DMD: variants seen among roughly 807,000 people sequenced by gnomAD.
DMD encodes dystrophin.
Under a neutral mutation model 330.1 loss-of-function variants are expected in DMD, and 63 were observed. The observed-to-expected ratio is 0.19, with a 90% confidence interval of 0.16 to 0.24. The LOEUF is 0.24. Among genes scored for constraint, DMD ranks in the 10% least tolerant of loss-of-function variants. The probability of loss-of-function intolerance (pLI) is 1.00; values close to 1 mark genes in which losing one functional copy is unlikely to be tolerated. For synonymous variants in DMD, 1,223 were observed against 959.8 expected (o/e 1.27, Z -5.07); for missense variants, 3,344 against 2,684.1 (o/e 1.25, Z -5.43).
intron 49 of DMD, among the ~76,000 whole-genome samples, chrX:31,835,168 T>C (rs983767087): frequency 2.7e-5 from 3 of 110,922 alleles, no homozygotes; most frequent in African/African-American, 9.9e-5. Context: ...TTAATTAAGA[T>C]CTCTCTCTCT....
chrX:32,870,980 A>AAAAAAAAAAAAAAAAG lies in DMD; in HGVS notation c.94-21161_94-21160insCTTTTTTTTTTTTTTT, dbSNP rs770375159. ...CAGCAAAAAAAAAAAAAAAAAAAAA[A>AAAAAAAAAAAAAAAAG]AAAAAAAACCACAAAACCCATCATC... On this transcript the variant is annotated intron_variant, in intron 2 of 78. Transcript: ENST00000357033. Among the ~76,000 whole-genome samples, 178 of 37,180 alleles carry AAAAAAAAAAAAAAAAG rather than the reference A, an allele frequency of 4.8e-3. 10 individuals are homozygous for AAAAAAAAAAAAAAAAG. The highest frequency in any genetic ancestry group is 6.1e-3 in the Non-Finnish European group (114 of 18,707). The allele number at this position is 37,180 out of a possible 115,157, so 32.3% of individuals were successfully genotyped here.
At chrX:32,541,781 C>T (rs1156831396) in intron 17 of DMD, among the ~76,000 whole-genome samples, 1 of 97,950 alleles carries the variant, frequency 1.0e-5, no homozygotes, top group African/African-American at 3.8e-5. Context: ...CAAACCTACA[C>T]GTTAACCCCT....
intron 60 of DMD, among the ~76,000 whole-genome samples, chrX:31,428,759 A>G (rs1489869890): frequency 8.9e-6 from 1 of 112,536 alleles, no homozygotes. Flanking sequence ...ATTTGGATAC[A>G]TTAGCTAACA....
chrX:32,879,992 A>G (rs1018908381), intron 2 of DMD, among the ~76,000 whole-genome samples: 1 of 111,298 alleles, frequency 9.0e-6, no homozygotes, highest in African/African-American at 3.3e-5. Flanking sequence ...ACGATTCTGC[A>G]TATAGCCACC....
At chrX:32,845,346 G>T in intron 3 of DMD, among the ~76,000 whole-genome samples, 1 of 111,540 alleles carries the variant, frequency 9.0e-6, no homozygotes, top group Non-Finnish European at 1.9e-5. Flanking sequence ...AATCACTTTG[G>T]TTCCCTAATT....
chrX:32,680,150 G>T (rs2062296264), intron 9 of DMD, among the ~76,000 whole-genome samples: 1 of 108,767 alleles, frequency 9.2e-6, no homozygotes, highest in Non-Finnish European at 1.9e-5. Context: ...CTGAACTCAT[G>T]ATCCGCCTGC....
chrX:32,256,794 A>G (rs1391798711), intron 43 of DMD, among the ~76,000 whole-genome samples: 1 of 111,019 alleles, frequency 9.0e-6, no homozygotes, highest in Non-Finnish European at 1.9e-5. Flanking sequence ...CTGGATATGA[A>G]ATTCTGGGTT....
At chrX:32,916,935 C>G (rs891073055) in intron 2 of DMD, among the ~76,000 whole-genome samples, 1 of 111,709 alleles carries the variant, frequency 9.0e-6, no homozygotes, top group Non-Finnish European at 1.9e-5. Context: ...ATCCCAATTA[C>G]TCTGATTTGA....
chrX:31,788,574 T>C (rs1161048380), intron 50 of DMD, among the ~76,000 whole-genome samples: 1 of 111,641 alleles, frequency 9.0e-6, no homozygotes, highest in Non-Finnish European at 1.9e-5. Flanking sequence ...GTACTGTATA[T>C]GTCTGCTAGG....
At chrX:32,443,483 G>A (rs1182797986) in intron 27 of DMD, among the ~76,000 whole-genome samples, 2 of 111,185 alleles carry the variant, frequency 1.8e-5, no homozygotes, top group Non-Finnish European at 3.8e-5. Flanking sequence ...AGATCCCAGT[G>A]GGAAAATATA....
chrX:32,043,549 C>T (rs1236098964), intron 44 of DMD, among the ~76,000 whole-genome samples: 1 of 111,999 alleles, frequency 8.9e-6, no homozygotes, highest in Non-Finnish European at 1.9e-5. Flanking sequence ...GTTTCTCTTG[C>T]ATAAATAATT....
chrX:31,212,174 GTGTA>G (rs1224355797), intron 64 of DMD, among the ~76,000 whole-genome samples: 1,184 of 80,993 alleles, frequency 0.015, 16 homozygotes, highest in African/African-American at 0.046. Context: ...ATATGTGTGT[GTGTA>G]TGTGTGTGTG....
At position 31,122,020 on chromosome X, in the gene DMD, C is replaced by T. The variant is rs943510359; in HGVS notation, c.11047-90G>A. On this transcript the variant is annotated intron_variant, in intron 78 of 78. Transcript: ENST00000357033. The stretch of plus-strand genomic sequence containing the variant: ...TTCTTTGCCATTTGGGAAATCATTC[C>T]CCATTTCTGGGTGAAGACAACACAG... 49 of 721,513 alleles carry T rather than the reference C, an allele frequency of 6.8e-5. No individual in the cohort carries two copies. In the African/African-American group the frequency reaches 9.2e-4, roughly 14 times the overall value. 59.5% of individuals were successfully genotyped at this position (721,513 alleles called of 1,213,427 possible). A position where few individuals can be genotyped will look rare whatever the true frequency, so the allele number is the denominator to read the frequency against.
intron 68 of DMD, among the ~76,000 whole-genome samples, chrX:31,182,311 T>C (rs936566233): frequency 8.9e-6 from 1 of 112,451 alleles, no homozygotes; most frequent in African/African-American, 3.2e-5. Context: ...GCTACTATTA[T>C]GGTTCCTCCC....
At chrX:31,842,493 T>C (rs1036360865) in intron 48 of DMD, among the ~76,000 whole-genome samples, 2 of 111,770 alleles carry the variant, frequency 1.8e-5, no homozygotes, top group Non-Finnish European at 3.8e-5. Flanking sequence ...CATCACACAC[T>C]ACATAAAAAT....
At chrX:32,902,638 T>A (rs1174584986) in intron 2 of DMD, among the ~76,000 whole-genome samples, 1 of 110,375 alleles carries the variant, frequency 9.1e-6, no homozygotes, top group Non-Finnish European at 1.9e-5. Flanking sequence ...TTAGTATGCA[T>A]GATACAAGCT....
At chrX:32,081,930 C>A (rs1468441147) in intron 44 of DMD, among the ~76,000 whole-genome samples, 1 of 110,593 alleles carries the variant, frequency 9.0e-6, no homozygotes, top group Non-Finnish European at 1.9e-5. Flanking sequence ...CCCAGAGAAC[C>A]CAACCTGTAA....
At chrX:32,500,749 TTTG>T (rs2043971395) in intron 19 of DMD, among the ~76,000 whole-genome samples, 1 of 112,014 alleles carries the variant, frequency 8.9e-6, no homozygotes, top group Non-Finnish European at 1.9e-5. Context: ...GTTATATTTG[TTTG>T]TTTTCATTTT....
At chrX:33,076,110 G>A in intron 1 of DMD, among the ~76,000 whole-genome samples, 1 of 107,744 alleles carries the variant, frequency 9.3e-6, no homozygotes, top group Non-Finnish European at 1.9e-5. Context: ...CAATAAACTG[G>A]CTCATCTCAT....
Sources: allele counts gnomAD v4.1 joint callset (sites outside exome capture counted in the v4.1 genomes callset), GRCh38; gene constraint gnomAD v4.1.1; transcripts MANE v1.5; gene names NCBI Gene and HGNC (gene_info 2026-07-23, HGNC 2026-07-21).